Variants in RABGEF1 observed in about 807,000 individuals in gnomAD.
RABGEF1 encodes the protein RAB guanine nucleotide exchange factor 1, also known as rab5 GDP/GTP exchange factor.
A neutral mutation model predicts 57.3 loss-of-function variants in RABGEF1; 26 were observed. The observed-to-expected ratio is 0.45, with a 90% CI of 0.33 to 0.63. The LOEUF (loss-of-function observed/expected upper bound fraction) is 0.63. Among genes scored for constraint, RABGEF1 ranks in the 20% least tolerant of loss-of-function variants. RABGEF1 has a pLI of 0.02. For synonymous variants in RABGEF1, 185 were observed against 210.7 expected (o/e 0.88, Z 1.06); for missense variants, 464 against 607.6 (o/e 0.76, Z 2.48).
At position 66,702,347 on chromosome 7, in the gene RABGEF1, T is replaced by TTGTGTGTGTG. The variant is rs58655312; in HGVS notation, c.-872-9786_-872-9777dup. On this transcript the variant is annotated intron_variant and NMD_transcript_variant, in intron 1 of 9. Coordinates refer to the RABGEF1 transcript ENST00000607882. ...TTCCACCTTCTGGCTATTGTTTTGT[T>TTGTGTGTGTG]TGTGTGTGTGTGTGTGTGTGTGTGT... is the stretch of plus-strand genomic sequence containing the variant. 2.6e-3 allele frequency among the ~76,000 whole-genome samples: 368 copies of TTGTGTGTGTG among 143,976 alleles called. 1 individual carries two copies. Among genetic ancestry groups the TTGTGTGTGTG allele is most frequent in the East Asian group, 3.9e-3 (19 of 4,906 alleles). 94.5% of individuals were successfully genotyped at this position (143,976 alleles called of 152,430 possible). A position where few individuals can be genotyped will look rare whatever the true frequency, so the allele number is the denominator to read the frequency against.
chr7:66,694,251 G>C (rs187260027), intron 1 of RABGEF1, among the ~76,000 whole-genome samples: 46 of 152,350 alleles, frequency 3.0e-4, no homozygotes, highest in African/African-American at 1.1e-3. Context: ...GTAAGTAAAG[G>C]GTGCCACGGG....
At chr7:66,781,659 A>G (rs1178518232) in intron 3 of RABGEF1, among the ~76,000 whole-genome samples, 5 of 152,176 alleles carry the variant, frequency 3.3e-5, no homozygotes, top group African/African-American at 1.2e-4. Context: ...CCTCATACAC[A>G]TGTGCGGTAG....
At chr7:66,754,000 A>C (rs553813213) in intron 1 of RABGEF1, among the ~76,000 whole-genome samples, 2 of 144,440 alleles carry the variant, frequency 1.4e-5, no homozygotes, top group Admixed American at 1.4e-4. Context: ...CCAACGTACT[A>C]GGCCATTTTT....
At chr7:66,804,515 A>G (rs1379449077) in intron 7 of RABGEF1, among the ~76,000 whole-genome samples, 3 of 152,046 alleles carry the variant, frequency 2.0e-5, no homozygotes, top group Non-Finnish European at 4.4e-5. Flanking sequence ...TGGGCGGATC[A>G]CCTGAGGTCA....
At chr7:66,662,763 G>A in the RABGEF1 span, among the ~76,000 whole-genome samples, 4 of 152,178 alleles carry the variant, frequency 2.6e-5, no homozygotes, top group African/African-American at 4.8e-5. Flanking sequence ...GTGCAGGTGT[G>A]TATGTACAGC....
intron 7 of RABGEF1, 62 bp downstream of exon 7, chr7:66,799,476 T>A: frequency 7.6e-7 from 1 of 1,310,794 alleles, no homozygotes; most frequent in Non-Finnish European, 1.1e-6. Flanking sequence ...CATTTTACTG[T>A]AATATTCATC....
intron 2 of RABGEF1, among the ~76,000 whole-genome samples, chr7:66,721,873 A>C (rs907103908): frequency 1.3e-5 from 2 of 152,160 alleles, no homozygotes; most frequent in African/African-American, 4.8e-5. Context: ...GTTTTTGGCC[A>C]AGTGGGGTGG....
chr7:66,704,932 A>G (rs1291308490), intron 1 of RABGEF1, among the ~76,000 whole-genome samples: 1 of 152,190 alleles, frequency 6.6e-6, no homozygotes, highest in East Asian at 1.9e-4. Context: ...TTAAGAAACC[A>G]CCAAACTGTC....
upstream of RABGEF1, among the ~76,000 whole-genome samples, chr7:66,738,676 G>A (rs1337042224): frequency 6.7e-6 from 1 of 149,148 alleles, no homozygotes; most frequent in Non-Finnish European, 1.5e-5. Context: ...AGGCTGGAGT[G>A]CGCCGAGATT....
chr7:66,777,480 T>C (rs1202437258), intron 3 of RABGEF1, among the ~76,000 whole-genome samples: 1 of 151,780 alleles, frequency 6.6e-6, no homozygotes, highest in Admixed American at 6.6e-5. Flanking sequence ...TGAAATTAAG[T>C]TTCTGTTACT....
chr7:66,666,983 G>C, the RABGEF1 span, among the ~76,000 whole-genome samples: 1 of 152,218 alleles, frequency 6.6e-6, no homozygotes, highest in Non-Finnish European at 1.5e-5. Context: ...CTGAACCCCA[G>C]ACCAGTTGAG....
At chr7:66,741,195 C>T (rs972830356) in intron 1 of RABGEF1, among the ~76,000 whole-genome samples, 12 of 152,326 alleles carry the variant, frequency 7.9e-5, no homozygotes, top group African/African-American at 2.4e-4. Context: ...CACGGGGCCC[C>T]TCCCACAACC....
At position 66,809,419 on chromosome 7, in the gene RABGEF1, T is replaced by G. The variant is rs1383954264; in HGVS notation, c.*135T>G. 1.0e-6 allele frequency: 1 copy of G among 957,460 alleles called. No individual in the cohort carries two copies. The highest frequency in any genetic ancestry group is 3.3e-5 in the Admixed American group (1 of 29,980). 59.3% of individuals were successfully genotyped at this position (957,460 alleles called of 1,614,324 possible). On this transcript the variant is annotated 3_prime_UTR_variant, in exon 9 of 9. Coordinates refer to ENST00000284957, the MANE Select transcript of RABGEF1 (RefSeq NM_014504.3). ...TTTTTAAAGGTACAGTATATGGGGA[T>G]TGTTTCGTTTTTCCTAGCAGGGGAA...
chr7:66,796,038 G>A (rs1404177785), intron 5 of RABGEF1, among the ~76,000 whole-genome samples: 2 of 152,164 alleles, frequency 1.3e-5, no homozygotes, highest in Non-Finnish European at 2.9e-5. Flanking sequence ...TCGGGAGGCC[G>A]AGGCACAAGA....
At chr7:66,695,810 A>G (rs965525097) in intron 1 of RABGEF1, among the ~76,000 whole-genome samples, 1 of 152,052 alleles carries the variant, frequency 6.6e-6, no homozygotes. Flanking sequence ...TACTAAAAAT[A>G]CAAAAATTAC....
intron 1 of RABGEF1, among the ~76,000 whole-genome samples, chr7:66,686,828 CT>C (rs1051966745): frequency 4.4e-4 from 63 of 144,268 alleles, no homozygotes; most frequent in South Asian, 1.3e-3. Context: ...TTTTCTTTTT[CT>C]TTTTTTTTTT....
chr7:66,754,084 C>T (rs1225944291), intron 1 of RABGEF1, among the ~76,000 whole-genome samples: 16 of 149,158 alleles, frequency 1.1e-4, no homozygotes, highest in African/African-American at 3.7e-4. Context: ...CTTACTGCAA[C>T]GGCTGCTTCC....
intron 4 of RABGEF1, among the ~76,000 whole-genome samples, chr7:66,788,918 G>A (rs1294224532): frequency 2.0e-5 from 3 of 151,980 alleles, no homozygotes; most frequent in Non-Finnish European, 4.4e-5. Context: ...TCGCGCCATT[G>A]TACTCCAGCC....
intron 4 of RABGEF1, among the ~76,000 whole-genome samples, chr7:66,793,076 A>G (rs928267075): frequency 4.6e-5 from 7 of 152,172 alleles, no homozygotes; most frequent in Admixed American, 3.9e-4. Flanking sequence ...GGAGGAGAAT[A>G]TGATCCCTTG....
Sources: allele counts gnomAD v4.1 joint callset (sites outside exome capture counted in the v4.1 genomes callset), GRCh38; gene constraint gnomAD v4.1.1; transcripts MANE v1.5; gene names NCBI Gene and HGNC (gene_info 2026-07-23, HGNC 2026-07-21).